COL6A3: variants seen among roughly 807,000 people sequenced by gnomAD.
COL6A3 encodes collagen type VI alpha 3 chain, also known as collagen alpha-3(VI) chain.
Under a neutral mutation model 274.1 loss-of-function variants are expected in COL6A3, and 137 were observed. The ratio of observed to expected loss-of-function variants is 0.50; its 90% CI spans 0.44 to 0.58. COL6A3 has a LOEUF of 0.58. Among genes scored for constraint, COL6A3 ranks in the 20% least tolerant of loss-of-function variants. The pLI is 0.00. For missense variants in COL6A3, 3,950 were observed against 4,124.9 expected (o/e 0.96, Z 1.16); for synonymous variants, 1,650 against 1,650.6 (o/e 1.00, Z 0.01).
rs372051484 is a variant in COL6A3, at chr2:237,333,434, T to C, written c.9328+16A>G. On this transcript the variant is annotated intron_variant, in intron 42 of 43. Transcript: ENST00000295550. ...TTCTTAGTGCCATTAATGGACCTAA[T>C]AGTTTCACAACTCACCTGTTTCAGT... 1 of 1,608,784 alleles carries C rather than the reference T, an allele frequency of 6.2e-7. No individual in the cohort carries two copies. The highest frequency in any genetic ancestry group is 8.5e-7 in the Non-Finnish European group (1 of 1,175,186).
Position 237,348,365 on chromosome 2 carries a change from C to A in COL6A3, c.6950G>T (p.Gly2317Val). 6.2e-7 allele frequency: 1 copy of A among 1,608,360 alleles called. No homozygotes were observed. The highest frequency in any genetic ancestry group is 8.5e-7 in the Non-Finnish European group (1 of 1,174,838). The stretch of plus-strand genomic sequence containing the variant: ...ATTATTTACCTTTGGTCCTGGGTAT[C>A]CAGGGAATCCTCTTTCTCCCTATAA... Reference protein sequence around the residue: ...RGKKGERGFPGYPGPKGNPGE... With the variant: ...RGKKGERGFPVYPGPKGNPGE... Residue 2317 changes from glycine to valine, a missense_variant, in exon 30 of 44, where the codon GGA becomes GTA. By Grantham distance (109) the Gly-to-Val change is moderately radical (BLOSUM62 -3). Around this residue, in one of 5 missense-constraint regions of COL6A3, gnomAD observed 1,284 missense variants for 1,349.7 expected, o/e 0.95. Transcript: ENST00000295550.
chr2:237,408,958 G>T (rs1308863731), intron 1 of COL6A3, among the ~76,000 whole-genome samples: 1 of 152,140 alleles, frequency 6.6e-6, no homozygotes, highest in African/African-American at 2.4e-5. Context: ...CTCCAAGGAA[G>T]ACTGGGAATG....
chr2:237,411,230 C>T (rs905167737), intron 1 of COL6A3, among the ~76,000 whole-genome samples: 1 of 152,170 alleles, frequency 6.6e-6, no homozygotes, highest in South Asian at 2.1e-4. Flanking sequence ...CCAAAAAGAG[C>T]AGTGACAAAA....
At position 237,368,786 on chromosome 2, in the gene COL6A3, G is replaced by A. The variant is rs147215386; in HGVS notation, c.4677C>T (p.Phe1559=). Residue 1559 remains phenylalanine, a synonymous_variant, in exon 10 of 44, where the codon TTC becomes TTT. Transcript: ENST00000295550. This position sits in a 1 kb window ranked among gnomAD's most constrained non-coding sequence, Gnocchi z 4.4. ...TGCCCGAGGAACGGATCACCTGGGC[G>A]AACCTGGACACATCGTCCTGGGATT... ...GGKSQDDVSR[F]AQVIRSSGIV... 1.1e-4 allele frequency: 184 copies of A among 1,614,090 alleles called. No homozygotes were observed. Among genetic ancestry groups the A allele is most frequent in the Non-Finnish European group, 1.4e-4 (164 of 1,180,034 alleles).
rs1574792531 is a variant in COL6A3 at position 237,413,462 on chromosome 2, G to A, written c.-31+491C>T. ...ATGTGCTCCACCAGGACCTTCCCAT[G>A]GGCGGCCCTGGGCAGAAAACCCATG... On this transcript the variant is annotated intron_variant, in intron 1 of 43. Transcript: ENST00000295550. The surrounding 1 kb of genome is among the most constrained non-coding windows in gnomAD (Gnocchi z 4.0). 6.6e-6 allele frequency among the ~76,000 whole-genome samples: 1 copy of A among 152,304 alleles called. No individual in the cohort carries two copies. The highest frequency in any genetic ancestry group is 2.4e-5 in the African/African-American group (1 of 41,568).
At chr2:237,354,643 T>C (rs1264538791) in intron 24 of COL6A3, among the ~76,000 whole-genome samples, 3 of 152,130 alleles carry the variant, frequency 2.0e-5, no homozygotes, top group Admixed American at 1.3e-4. Flanking sequence ...ATCTCACACA[T>C]ATTGATTGAT....
At chr2:237,390,861 T>G (rs960442452) in intron 3 of COL6A3, among the ~76,000 whole-genome samples, 2 of 152,250 alleles carry the variant, frequency 1.3e-5, no homozygotes, top group Non-Finnish European at 2.9e-5. Flanking sequence ...CTTTAGCTTT[T>G]GTTTTAAAAT....
chr2:237,390,260 A>C (rs973683174), intron 3 of COL6A3, among the ~76,000 whole-genome samples: 56 of 152,346 alleles, frequency 3.7e-4, no homozygotes, highest in African/African-American at 1.3e-3. Flanking sequence ...AAATAAGATA[A>C]ATGGACCCTG....
Position 237,345,266 on chromosome 2 carries a change from T to C in COL6A3, c.7093-53A>G. 7 of 1,584,628 alleles carry C rather than the reference T, an allele frequency of 4.4e-6. 1 individual carries two copies. The highest frequency in any genetic ancestry group is 5.2e-6 in the Non-Finnish European group (6 of 1,153,440). On this transcript the variant is annotated intron_variant, in intron 32 of 43. Transcript: ENST00000295550. The stretch of plus-strand genomic sequence containing the variant: ...AGGCACAGCAGATGGGGAATTCGAA[T>C]AAACAGGCTTTGGCCCCCAGAAATA...
chr2:237,388,298 C>A, intron 3 of COL6A3, 114 bp from the exon 4 acceptor site: 1 of 1,288,840 alleles, frequency 7.8e-7, no homozygotes, highest in Non-Finnish European at 1.1e-6. Flanking sequence ...GAAATATGGG[C>A]AAACAAAACA....
intron 1 of COL6A3, among the ~76,000 whole-genome samples, chr2:237,409,246 T>C (rs1024230908): frequency 6.6e-6 from 1 of 152,220 alleles, no homozygotes; most frequent in Non-Finnish European, 1.5e-5. Flanking sequence ...GAGGGGGCTA[T>C]GTCTTAGTCA....
chr2:237,333,183 T>C (rs1700352414), intron 42 of COL6A3: 1 of 523,886 alleles, frequency 1.9e-6, no homozygotes, highest in Non-Finnish European at 3.5e-6. Context: ...ACAGGAGAAA[T>C]GTCTAATGGA....
chr2:237,370,387 T>C lies in COL6A3; in HGVS notation c.4286-1210A>G, dbSNP rs374044403. ...CCGAGTAGCTGGGACTACAGGTGTG[T>C]GCCACCACACCCAGCTAATTTTTGT... On this transcript the variant is annotated intron_variant, in intron 9 of 43. Coordinates refer to ENST00000295550, the MANE Select transcript of COL6A3 (RefSeq NM_004369.4). 1.6e-4 allele frequency among the ~76,000 whole-genome samples: 25 copies of C among 152,012 alleles called. No homozygotes were observed. In the East Asian group the frequency reaches 2.9e-3, roughly 18 times the overall value.
intron 30 of COL6A3, 22 bp from the exon 31 acceptor site, chr2:237,347,891 G>T: frequency 6.2e-7 from 1 of 1,600,266 alleles, no homozygotes; most frequent in Non-Finnish European, 8.5e-7. Flanking sequence ...GCCGAGAAGT[G>T]GCACAGTAAG....
At chr2:237,405,772 C>T (rs1486784826) in intron 1 of COL6A3, among the ~76,000 whole-genome samples, 1 of 152,074 alleles carries the variant, frequency 6.6e-6, no homozygotes, top group Admixed American at 6.5e-5. Context: ...CAGATTTGGC[C>T]CAGATCTCAA....
intron 41 of COL6A3, 89 bp from the exon 42 acceptor site, chr2:237,333,637 G>A (rs1056775423): frequency 1.8e-6 from 2 of 1,100,036 alleles, no homozygotes; most frequent in Non-Finnish European, 1.4e-6. Context: ...GTTGCCTGCT[G>A]TGATTAATGT....
At chr2:237,385,159 T>G (rs1204199992) in intron 4 of COL6A3, among the ~76,000 whole-genome samples, 1 of 152,206 alleles carries the variant, frequency 6.6e-6, no homozygotes, top group East Asian at 1.9e-4. Flanking sequence ...GCTCAGAATA[T>G]TTTGCCTGGT....
At chr2:237,394,510 G>A (rs1354107337) in intron 3 of COL6A3, 77 bp downstream of exon 3, 4 of 1,593,996 alleles carry the variant, frequency 2.5e-6, no homozygotes, top group Non-Finnish European at 3.4e-6. Flanking sequence ...CCTAGCTGTT[G>A]CTTTAAGGCC....
Position 237,360,112 on chromosome 2 carries a change from G to T in COL6A3, c.6258C>A (p.Gly2086=). Residue 2086 remains glycine (G), a synonymous_variant, in exon 17 of 44, where the codon GGC becomes GGA. Coordinates refer to ENST00000295550, the MANE Select transcript of COL6A3 (RefSeq NM_004369.4). The part of the protein sequence containing the change: ...PGVNGTQGFQ[G]CPGQRGVKGS... ...CCTTTACTCCTCTCTGGCCCGGGCA[G>T]CCCTGGAAACCTTGAGTGCCGTTCA... is the stretch of plus-strand genomic sequence containing the variant. The T allele has an allele frequency of 3.7e-6, 6 of 1,614,124 alleles. No individual in the cohort carries two copies. Among genetic ancestry groups the T allele is most frequent in the Non-Finnish European group, 5.1e-6 (6 of 1,180,018 alleles).
Sources: allele counts gnomAD v4.1 joint callset (sites outside exome capture counted in the v4.1 genomes callset), GRCh38; gene constraint gnomAD v4.1.1; regional missense constraint gnomAD v4.1.1; non-coding constraint Gnocchi (gnomAD v3.1); transcripts MANE v1.5; gene names NCBI Gene and HGNC (gene_info 2026-07-23, HGNC 2026-07-21).